Variants in TXNL4A observed in about 807,000 individuals in gnomAD.
TXNL4A encodes thioredoxin-like protein 4A.
TXNL4A carries 17 observed loss-of-function variants against 14.6 expected under a neutral mutation model. The observed-to-expected ratio is 1.16, with a 90% CI of 0.80 to 1.74. TXNL4A has a LOEUF of 1.74. Among genes scored for constraint, TXNL4A ranks in the 40% most tolerant of loss-of-function variants. The pLI is 0.00. For missense variants in TXNL4A, 74 were observed against 195.2 expected (o/e 0.38, Z 3.70); for synonymous variants, 83 against 70.6 (o/e 1.18, Z -0.88).
upstream of TXNL4A, among the ~76,000 whole-genome samples, chr18:79,989,931 G>A (rs1260778327): frequency 6.6e-6 from 1 of 152,224 alleles, no homozygotes; most frequent in Non-Finnish European, 1.5e-5. Context: ...AGGGGGTGGA[G>A]GTTGCAGTGA....
At chr18:80,027,818 C>T (rs2051894853) in intron 1 of TXNL4A, among the ~76,000 whole-genome samples, 1 of 152,202 alleles carries the variant, frequency 6.6e-6, no homozygotes, top group African/African-American at 2.4e-5. Flanking sequence ...GGCATATTAT[C>T]TCAGTCAAAG....
Position 80,011,419 on chromosome 18 carries a change from A to G in TXNL4A, c.-61+22432T>C, listed in dbSNP as rs1413802864. Among the ~76,000 whole-genome samples the G allele has an allele frequency of 6.6e-6, 1 of 152,186 alleles. No individual in the cohort carries two copies. The highest frequency in any genetic ancestry group is 1.5e-5 in the Non-Finnish European group (1 of 68,040). On this transcript the variant is annotated intron_variant, in intron 1 of 2. Transcript: ENST00000585474. The surrounding 1 kb of genome is among the most constrained non-coding windows in gnomAD (Gnocchi z 4.1). ...CGCCCACTACTTCAGCTATAAGGAC[A>G]TTGAGAGTTTATTTTGCATTACCAC...
chr18:79,980,240 C>G (rs1411575535), intron 1 of TXNL4A, among the ~76,000 whole-genome samples: 2 of 152,196 alleles, frequency 1.3e-5, no homozygotes, highest in Admixed American at 6.5e-5. Context: ...AGAGCCCAGC[C>G]TGGAAAACAC....
intron 1 of TXNL4A, among the ~76,000 whole-genome samples, chr18:80,026,514 A>G (rs1008250122): frequency 2.0e-5 from 3 of 152,242 alleles, no homozygotes; most frequent in African/African-American, 7.2e-5. Context: ...GATTAATATA[A>G]TAACCATGAG....
chr18:80,010,607 G>C (rs534046207), intron 1 of TXNL4A, among the ~76,000 whole-genome samples: 6 of 152,272 alleles, frequency 3.9e-5, no homozygotes, highest in Non-Finnish European at 7.4e-5. Context: ...CATCTTCCTG[G>C]GAGCCCACTG....
Position 79,973,502 on chromosome 18 carries a change from A to C in TXNL4A, c.*183T>G. On this transcript the variant is annotated 3_prime_UTR_variant, in exon 3 of 3. Coordinates refer to ENST00000269601, the MANE Select transcript of TXNL4A (RefSeq NM_006701.5). ...TCATTAAGTTTCCTGAGAACAAACA[A>C]GTAGGCCTGCTCCTCTCACCACGTG... The C allele has an allele frequency of 1.6e-6, 1 of 609,656 alleles. No individual in the cohort carries two copies. The highest frequency in any genetic ancestry group is 2.6e-6 in the Non-Finnish European group (1 of 386,298). 37.8% of individuals were successfully genotyped at this position (609,656 alleles called of 1,614,324 possible).
At chr18:79,999,018 GT>G (rs374508250) in intron 1 of TXNL4A, among the ~76,000 whole-genome samples, 134 of 152,236 alleles carry the variant, frequency 8.8e-4, no homozygotes, top group African/African-American at 3.1e-3. Flanking sequence ...CTTACTAGAG[GT>G]AATTAAAGCC....
At chr18:79,994,102 AAGTTCCACCTTTAGAAACTCCGGCC>A (rs1488069193) in intron 1 of TXNL4A, among the ~76,000 whole-genome samples, 1 of 152,186 alleles carries the variant, frequency 6.6e-6, no homozygotes, top group Non-Finnish European at 1.5e-5. Context: ...GAGGAACATA[AAGTTCCACCTTTAGAAACTCCGGCC>A]AGGTACATGC....
chr18:80,023,923 T>C (rs139864459), intron 1 of TXNL4A, among the ~76,000 whole-genome samples: 144 of 152,334 alleles, frequency 9.5e-4, no homozygotes, highest in African/African-American at 3.4e-3. Flanking sequence ...CCTGGGCACG[T>C]CCTTAACTTT....
At chr18:80,033,513 G>A (rs1349177527) in intron 1 of TXNL4A, among the ~76,000 whole-genome samples, 1 of 152,260 alleles carries the variant, frequency 6.6e-6, no homozygotes, top group Non-Finnish European at 1.5e-5. Context: ...GGTGCCCGGG[G>A]AGAAGGCGGC....
chr18:80,013,107 A>G (rs1346091036), intron 1 of TXNL4A, among the ~76,000 whole-genome samples: 1 of 140,306 alleles, frequency 7.1e-6, no homozygotes, highest in African/African-American at 2.5e-5. Context: ...AAAAATTAAA[A>G]AAGGAAAAAA....
rs2051319757 is a variant in TXNL4A, at chr18:79,972,916, A to ACATACAAT, written c.*768_*769insATTGTATG. On this transcript the variant is annotated 3_prime_UTR_variant, in exon 3 of 3. Coordinates refer to ENST00000269601, the MANE Select transcript of TXNL4A (RefSeq NM_006701.5). ...AATATTTTATTGTACTGTTTTTATA[A>ACATACAAT]CCAGAGTAAACCTTTGGATTCTGTC... 2 of 152,258 alleles carry ACATACAAT rather than the reference A, an allele frequency of 1.3e-5. No homozygotes were observed. Among genetic ancestry groups the ACATACAAT allele is most frequent in the Admixed American group, 1.3e-4 (2 of 15,278 alleles). The allele number at this position is 152,258 out of a possible 1,614,324, so 9.4% of individuals were successfully genotyped here. A position where few individuals can be genotyped will look rare whatever the true frequency, so the allele number is the denominator to read the frequency against.
intron 1 of TXNL4A, among the ~76,000 whole-genome samples, chr18:79,984,224 C>T (rs185127526): frequency 1.3e-5 from 2 of 152,186 alleles, no homozygotes; most frequent in African/African-American, 4.8e-5. Flanking sequence ...TAATGTGATA[C>T]TTAAGATACA....
chr18:79,974,021 A>G (rs1468823218), intron 2 of TXNL4A, among the ~76,000 whole-genome samples, 165 bp from the exon 3 acceptor site: 1 of 152,234 alleles, frequency 6.6e-6, no homozygotes, highest in African/African-American at 2.4e-5. Flanking sequence ...TACAGGAAGC[A>G]GCTAAATGTG....
chr18:79,976,922 G>A (rs1448489309), intron 2 of TXNL4A: 1 of 364,980 alleles, frequency 2.7e-6, no homozygotes. Flanking sequence ...TATAAAAAAG[G>A]ACACCGAAGT....
chr18:80,004,979 G>T (rs1045198821), intron 1 of TXNL4A, among the ~76,000 whole-genome samples: 2 of 152,342 alleles, frequency 1.3e-5, no homozygotes, highest in South Asian at 4.1e-4. Flanking sequence ...GGCTAAAAAG[G>T]TTAGACATAG....
chr18:80,028,950 T>C (rs1289783733), intron 1 of TXNL4A, among the ~76,000 whole-genome samples: 1 of 152,194 alleles, frequency 6.6e-6, no homozygotes, highest in African/African-American at 2.4e-5. Context: ...GGGTAACCAA[T>C]TGGCTGATGC....
At chr18:79,989,664 A>G (rs565416144), upstream of TXNL4A, among the ~76,000 whole-genome samples, 93 of 152,278 alleles carry the variant, frequency 6.1e-4, 2 homozygotes, top group Non-Finnish European at 8.5e-4. Flanking sequence ...CTTGTCTACT[A>G]TCTAGCTATC....
At chr18:80,030,397 T>C (rs1365384423) in intron 1 of TXNL4A, 1 of 152,266 alleles carries the variant, frequency 6.6e-6, no homozygotes, top group East Asian at 1.9e-4. Context: ...TTATTAATCA[T>C]GTATCCCTTC....
Sources: allele counts gnomAD v4.1 joint callset (sites outside exome capture counted in the v4.1 genomes callset), GRCh38; gene constraint gnomAD v4.1.1; non-coding constraint Gnocchi (gnomAD v3.1); transcripts MANE v1.5; gene names NCBI Gene and HGNC (gene_info 2026-07-23, HGNC 2026-07-21).